Variants in DMD observed in about 807,000 individuals in gnomAD.
The protein encoded by DMD is dystrophin, also known as mutant dystrophin.
In DMD, 63 loss-of-function variants were observed where a neutral mutation model predicts 330.1. The observed-to-expected ratio is 0.19, with a 90% CI of 0.16 to 0.24. The LOEUF is 0.24. Ranked by LOEUF, DMD falls within the 10% of genes least tolerant of loss-of-function variation. DMD has a pLI of 1.00. For missense variants in DMD, 3,344 were observed against 2,684.1 expected (o/e 1.25, Z -5.43); for synonymous variants, 1,223 against 959.8 (o/e 1.27, Z -5.07).
rs571766145 is a variant in DMD at position 31,753,580 on chromosome X, A to G, written c.7542+20380T>C. Among the ~76,000 whole-genome samples, 9 of 112,006 alleles carry G rather than the reference A, an allele frequency of 8.0e-5. No individual in the cohort carries two copies. In the South Asian group the frequency reaches 2.9e-3, roughly 37 times the overall value. On this transcript the variant is annotated intron_variant, in intron 51 of 78. Coordinates refer to ENST00000357033, the MANE Select transcript of DMD (RefSeq NM_004006.3). Reference sequence around the variant, plus strand: ...AAAAATCTGCTGATTCACAAACATGAAAATATTTTAAAAGATCAGAGATAT... The same window carrying G: ...AAAAATCTGCTGATTCACAAACATGGAAATATTTTAAAAGATCAGAGATAT...
intron 52 of DMD, among the ~76,000 whole-genome samples, chrX:31,726,336 T>A (rs753728842): frequency 1.8e-5 from 2 of 112,253 alleles, no homozygotes; most frequent in Non-Finnish European, 3.8e-5. Context: ...CTGCAATAAC[T>A]ATGTATAGAT....
At chrX:32,750,993 C>G (rs750858027) in intron 7 of DMD, among the ~76,000 whole-genome samples, 1 of 112,028 alleles carries the variant, frequency 8.9e-6, no homozygotes, top group African/African-American at 3.2e-5. Flanking sequence ...CCTTGCCTTC[C>G]AGCATGATTG....
chrX:33,275,083 G>A (rs2053214648), intron 1 of DMD, among the ~76,000 whole-genome samples: 1 of 112,060 alleles, frequency 8.9e-6, no homozygotes, highest in South Asian at 3.7e-4. Flanking sequence ...GCAAAGGGCA[G>A]TCTCCTATCT....
intron 27 of DMD, among the ~76,000 whole-genome samples, chrX:32,443,169 AC>A (rs748046193): frequency 9.0e-6 from 1 of 110,772 alleles, no homozygotes; most frequent in East Asian, 2.8e-4. Context: ...CCTCACTACC[AC>A]CAAAATTAAA....
At chrX:33,024,440 C>T (rs1043904157) in intron 1 of DMD, among the ~76,000 whole-genome samples, 1 of 111,914 alleles carries the variant, frequency 8.9e-6, no homozygotes, top group African/African-American at 3.2e-5. Flanking sequence ...AAGTGAAGAA[C>T]CACTACTTCA....
chrX:32,727,014 A>T (rs1485020066), intron 7 of DMD, among the ~76,000 whole-genome samples: 11 of 110,829 alleles, frequency 9.9e-5, no homozygotes. Context: ...CAAATGGTTA[A>T]AGGCAGTCAT....
intron 1 of DMD, among the ~76,000 whole-genome samples, chrX:33,024,923 C>A (rs1158466443): frequency 8.9e-6 from 1 of 111,777 alleles, no homozygotes; most frequent in Non-Finnish European, 1.9e-5. Context: ...AGATCATTTA[C>A]TCGTGTAATA....
intron 1 of DMD, among the ~76,000 whole-genome samples, chrX:33,182,624 T>A (rs2050054891): frequency 9.0e-6 from 1 of 111,286 alleles, no homozygotes; most frequent in African/African-American, 3.3e-5. Context: ...AAGTAGTGAT[T>A]TCATCACATG....
intron 44 of DMD, among the ~76,000 whole-genome samples, chrX:32,104,376 G>A (rs944196721): frequency 1.8e-5 from 2 of 111,305 alleles, no homozygotes; most frequent in African/African-American, 6.5e-5. Flanking sequence ...AAACTAGAGA[G>A]GTAAAGCAAC....
At chrX:33,283,114 A>G (rs2053364766) in intron 1 of DMD, among the ~76,000 whole-genome samples, 1 of 112,410 alleles carries the variant, frequency 8.9e-6, no homozygotes, top group Non-Finnish European at 1.9e-5. Flanking sequence ...GGTTTTTAAA[A>G]TGTGCACAAC....
intron 52 of DMD, among the ~76,000 whole-genome samples, chrX:31,679,990 T>G (rs1317211680): frequency 1.8e-5 from 2 of 112,324 alleles, no homozygotes; most frequent in Non-Finnish European, 3.8e-5. Context: ...GAGTTTGCTT[T>G]GCCATCCATG....
At position 31,119,385 on chromosome X, in the gene DMD, A is replaced by C. The variant is rs766123628; in HGVS notation, c.*2534T>G. 8.9e-6 allele frequency: 1 copy of C among 112,561 alleles called. No homozygotes were observed. The highest frequency in any genetic ancestry group is 3.7e-4 in the South Asian group (1 of 2,727). 9.3% of individuals were successfully genotyped at this position (112,561 alleles called of 1,213,427 possible). On this transcript the variant is annotated 3_prime_UTR_variant, in exon 79 of 79. Transcript: ENST00000357033. ...AATGTTACAGTGTTGGTGTTAAAAC[A>C]CAATATATTATGATACTCAAGTAAG...
At chrX:33,165,786 G>T (rs2049022593) in intron 1 of DMD, among the ~76,000 whole-genome samples, 1 of 111,289 alleles carries the variant, frequency 9.0e-6, no homozygotes, top group Admixed American at 9.7e-5. Context: ...TTTGTAATTT[G>T]CAATGCTCAT....
intron 48 of DMD, among the ~76,000 whole-genome samples, chrX:31,842,565 G>A (rs1470694366): frequency 9.0e-6 from 1 of 111,480 alleles, no homozygotes; most frequent in Non-Finnish European, 1.9e-5. Flanking sequence ...TAAGAAATTG[G>A]CATAGTCACT....
chrX:31,745,850 G>C (rs760121749), intron 51 of DMD, among the ~76,000 whole-genome samples: 145 of 112,168 alleles, frequency 1.3e-3, no homozygotes, highest in African/African-American at 4.6e-3. Context: ...AGAAGAAATT[G>C]AGATCTCTCT....
chrX:32,321,881 G>A (rs979845235), intron 41 of DMD, among the ~76,000 whole-genome samples: 1 of 111,260 alleles, frequency 9.0e-6, no homozygotes, highest in Non-Finnish European at 1.9e-5. Context: ...TAGAAGATAC[G>A]GAAGGTACAT....
intron 25 of DMD, among the ~76,000 whole-genome samples, chrX:32,457,925 T>A (rs1322477639): frequency 3.6e-5 from 4 of 111,030 alleles, no homozygotes; most frequent in African/African-American, 1.3e-4. Flanking sequence ...ATTATTTACT[T>A]AGAAAGTATA....
intron 2 of DMD, among the ~76,000 whole-genome samples, chrX:32,857,754 AT>A (rs1179158566): frequency 1.8e-5 from 2 of 111,335 alleles, no homozygotes; most frequent in East Asian, 5.7e-4. Context: ...TAAAACATGA[AT>A]CCCAAAGCCA....
chrX:32,465,081 C>T, intron 23 of DMD, among the ~76,000 whole-genome samples: 1 of 111,926 alleles, frequency 8.9e-6, no homozygotes, highest in Non-Finnish European at 1.9e-5. Context: ...GTAATGGTGT[C>T]TTTATAGCCT....
Sources: gnomAD v4.1 joint callset for allele counts (sites outside exome capture counted in the v4.1 genomes callset) on GRCh38, gnomAD v4.1.1 for gene constraint, MANE v1.5 for transcripts, NCBI Gene and HGNC (gene_info 2026-07-23, HGNC 2026-07-21) for gene names.